The following NRG1 variants were observed in gnomAD, a reference collection of about 807,000 sequenced individuals.
The protein encoded by NRG1 is neuregulin 1.
NRG1 carries 18 observed loss-of-function variants against 63.8 expected under a neutral mutation model. The ratio of observed to expected loss-of-function variants is 0.28; its 90% confidence interval spans 0.19 to 0.42. The LOEUF is 0.42. Among genes scored for constraint, NRG1 ranks in the 10% least tolerant of loss-of-function variants. The pLI is 1.00. For missense variants in NRG1, 762 were observed against 814.7 expected (o/e 0.94, Z 0.79); for synonymous variants, 302 against 301.3 (o/e 1.00, Z -0.02).
chr8:32,480,789 C>T (rs1563522273), intron 1 of NRG1, among the ~76,000 whole-genome samples: 1 of 152,012 alleles, frequency 6.6e-6, no homozygotes, highest in Non-Finnish European at 1.5e-5. Flanking sequence ...GGAGGTGCCA[C>T]GCTCTTTTAA....
intron 1 of NRG1, among the ~76,000 whole-genome samples, chr8:31,981,144 C>T (rs996574867): frequency 2.0e-5 from 3 of 151,948 alleles, no homozygotes; most frequent in African/African-American, 7.2e-5. Context: ...TGGCCACATA[C>T]CATACCTGTG....
intron 1 of NRG1, among the ~76,000 whole-genome samples, chr8:31,955,945 G>A (rs1174020625): frequency 1.3e-5 from 2 of 150,588 alleles, no homozygotes; most frequent in South Asian, 2.1e-4. Flanking sequence ...GGAGGCTGAG[G>A]TGTAAGGACC....
At chr8:32,098,295 A>G (rs1424685890) in intron 1 of NRG1, among the ~76,000 whole-genome samples, 1 of 152,238 alleles carries the variant, frequency 6.6e-6, no homozygotes, top group African/African-American at 2.4e-5. Flanking sequence ...TCAAAGTAAA[A>G]GACACACACT....
At chr8:32,647,261 A>G (rs1260537609) in intron 5 of NRG1, 4 of 984,336 alleles carry the variant, frequency 4.1e-6, no homozygotes, top group Non-Finnish European at 4.8e-6. Context: ...CGCCGCCGCC[A>G]CCGCCGCTGG....
At chr8:31,916,869 C>G (rs12235031) in intron 1 of NRG1, among the ~76,000 whole-genome samples, 95,667 of 149,408 alleles carry the variant, frequency 0.64, 31,157 homozygotes, top group East Asian at 0.9. Context: ...AGCACCTGTT[C>G]TTTCCTGACT....
At chr8:31,807,895 A>G (rs927050888) in intron 1 of NRG1, among the ~76,000 whole-genome samples, 3 of 151,880 alleles carry the variant, frequency 2.0e-5, no homozygotes, top group East Asian at 3.9e-4. Context: ...AGGTTCATCC[A>G]TGTTGTTGTA....
Position 32,034,173 on chromosome 8 carries a change from T to G in NRG1, c.37+394742T>G, listed in dbSNP as rs561003423. On this transcript the variant is annotated intron_variant, in intron 1 of 10. Coordinates refer to the NRG1 transcript ENST00000519301. ...TTTTAACATGAAGGGATGTTGAATT[T>G]TATTGAAGGCCTTTTCTGCTTCTAT... Among the ~76,000 whole-genome samples the G allele has an allele frequency of 3.9e-5, 6 of 152,334 alleles. No homozygotes were observed. In the South Asian group the frequency reaches 1.0e-3, roughly 26 times the overall value.
chr8:31,916,795 G>T (rs958927146), intron 1 of NRG1, among the ~76,000 whole-genome samples: 8 of 151,782 alleles, frequency 5.3e-5, no homozygotes, highest in Non-Finnish European at 1.0e-4. Flanking sequence ...CTTCCACAAT[G>T]GTTGAACTAG....
At chr8:31,922,356 A>G (rs575184179) in intron 1 of NRG1, among the ~76,000 whole-genome samples, 5 of 152,294 alleles carry the variant, frequency 3.3e-5, no homozygotes, top group South Asian at 4.1e-4. Flanking sequence ...GGCTACCAAC[A>G]TGATGTCACT....
intron 1 of NRG1, among the ~76,000 whole-genome samples, chr8:32,190,409 G>A (rs1473948165): frequency 6.6e-6 from 1 of 152,034 alleles, no homozygotes; most frequent in Non-Finnish European, 1.5e-5. Flanking sequence ...CAAATCCTGA[G>A]CTTTTTCTTG....
intron 1 of NRG1, among the ~76,000 whole-genome samples, chr8:31,811,928 C>T (rs1822927591): frequency 6.6e-6 from 1 of 152,116 alleles, no homozygotes; most frequent in Non-Finnish European, 1.5e-5. Context: ...GTTATTAGAT[C>T]TCATATATCT....
chr8:31,824,761 A>G (rs1287729343), intron 1 of NRG1, among the ~76,000 whole-genome samples: 2 of 152,220 alleles, frequency 1.3e-5, no homozygotes, highest in South Asian at 4.1e-4. Context: ...CACTTCCAAA[A>G]TATTCACATT....
intron 1 of NRG1, among the ~76,000 whole-genome samples, chr8:31,783,965 G>A (rs1401377389): frequency 6.6e-6 from 1 of 152,058 alleles, no homozygotes; most frequent in African/African-American, 2.4e-5. Context: ...TAATTCGGAT[G>A]GTACTATAAG....
At chr8:32,140,954 TC>T (rs1164322483) in intron 1 of NRG1, among the ~76,000 whole-genome samples, 2 of 152,030 alleles carry the variant, frequency 1.3e-5, no homozygotes. Context: ...TCTCTCTCTC[TC>T]TCGCTCACTC....
chr8:32,366,671 GTGTGTGTATATA>G lies in NRG1; in HGVS notation c.38-229155_38-229144del, dbSNP rs746628138. Among the ~76,000 whole-genome samples the G allele has an allele frequency of 8.6e-3, 741 of 86,488 alleles. 8 individuals carry two copies. The highest frequency in any genetic ancestry group is 9.9e-3 in the African/African-American group (260 of 26,254). 56.7% of individuals were successfully genotyped at this position (86,488 alleles called of 152,430 possible). A position where few individuals can be genotyped will look rare whatever the true frequency, so the allele number is the denominator to read the frequency against. On this transcript the variant is annotated intron_variant, in intron 1 of 10. Transcript: ENST00000519301. ...ATATATATTGTGTGTGTGTGTGTGTGTGTGTGTATATATATATATATATATATATATATATAT... is the reference window on the plus strand; with the variant it reads ...ATATATATTGTGTGTGTGTGTGTGTGTATATATATATATATATATATATAT...
At chr8:31,903,721 G>A (rs1362727492) in intron 1 of NRG1, among the ~76,000 whole-genome samples, 4 of 152,116 alleles carry the variant, frequency 2.6e-5, no homozygotes, top group South Asian at 2.1e-4. Context: ...TCGGGAGGCC[G>A]AGGTGGGCAG....
chr8:32,116,995 A>AG (rs1832811860), intron 1 of NRG1, among the ~76,000 whole-genome samples: 1 of 148,116 alleles, frequency 6.8e-6, no homozygotes, highest in Non-Finnish European at 1.5e-5. Flanking sequence ...AAAAAAAAAA[A>AG]GTCAGGTGTG....
At chr8:32,009,878 GCCCTCCCAT>G (rs1814453696) in intron 1 of NRG1, among the ~76,000 whole-genome samples, 1 of 141,210 alleles carries the variant, frequency 7.1e-6, no homozygotes, top group South Asian at 2.2e-4. Flanking sequence ...TCTCCCCCCA[GCCCTCCCAT>G]CCCTCCCATC....
intron 1 of NRG1, among the ~76,000 whole-genome samples, chr8:32,388,921 A>C (rs2129483833): frequency 6.6e-6 from 1 of 152,322 alleles, no homozygotes; most frequent in South Asian, 2.1e-4. Flanking sequence ...CTTCTGGGAA[A>C]TTTAGGGGCA....
Sources: allele counts gnomAD v4.1 joint callset (sites outside exome capture counted in the v4.1 genomes callset), GRCh38; gene constraint gnomAD v4.1.1; transcripts MANE v1.5; gene names NCBI Gene and HGNC (gene_info 2026-07-23, HGNC 2026-07-21).